Variants in PDE1C observed in about 807,000 individuals in gnomAD.
The protein encoded by PDE1C is dual specificity calcium/calmodulin-dependent 3',5'-cyclic nucleotide phosphodiesterase 1C.
Under a neutral mutation model 93.1 loss-of-function variants are expected in PDE1C, and 62 were observed. That is an observed-to-expected ratio of 0.67 (90% confidence interval 0.54 to 0.82). PDE1C has a LOEUF of 0.82. Among genes scored for constraint, PDE1C ranks in the 40% least tolerant of loss-of-function variants. PDE1C has a pLI of 0.00. For synonymous variants in PDE1C, 325 were observed against 310.1 expected, an observed-to-expected ratio of 1.05 and a Z score of -0.50; for missense variants, 742 against 884.6, an observed-to-expected ratio of 0.84 and a Z score of 2.04.
At chr7:32,420,953 A>G (rs1022214369) in intron 1 of PDE1C, among the ~76,000 whole-genome samples, 1 of 152,156 alleles carries the variant, frequency 6.6e-6, no homozygotes. Context: ...CTGAATATCC[A>G]TGATCTCACC....
chr7:32,080,599 T>G lies in PDE1C; in HGVS notation c.308+89186A>C, dbSNP rs571008725. On this transcript the variant is annotated intron_variant, in intron 3 of 18. Coordinates refer to the PDE1C transcript ENST00000396193. ...TTTCAGCTATCTGGCGGAGAATTACTGTTCCTTGCACCCTCCAGATAAGTG... is the reference window on the plus strand; with the variant it reads ...TTTCAGCTATCTGGCGGAGAATTACGGTTCCTTGCACCCTCCAGATAAGTG... 2.5e-4 allele frequency among the ~76,000 whole-genome samples: 38 copies of G among 152,312 alleles called. No homozygotes were observed. In the South Asian group the frequency reaches 3.9e-3, roughly 16 times the overall value.
At chr7:32,025,941 C>T (rs1287702697) in intron 2 of PDE1C, among the ~76,000 whole-genome samples, 1 of 152,086 alleles carries the variant, frequency 6.6e-6, no homozygotes, top group East Asian at 1.9e-4. Context: ...AAGACCTTCC[C>T]AGGAATCTGC....
chr7:32,086,699 C>G (rs1302592536), intron 3 of PDE1C, among the ~76,000 whole-genome samples: 2 of 152,106 alleles, frequency 1.3e-5, no homozygotes, highest in Non-Finnish European at 2.9e-5. Context: ...GAAATAACAC[C>G]GCATATCTAC....
chr7:32,089,747 G>T (rs1159497848), intron 3 of PDE1C, among the ~76,000 whole-genome samples: 1 of 152,140 alleles, frequency 6.6e-6, no homozygotes, highest in African/African-American at 2.4e-5. Context: ...ACTGAAAAAA[G>T]AAAATGTCCA....
At chr7:32,382,438 T>C (rs1562699563) in intron 1 of PDE1C, among the ~76,000 whole-genome samples, 1 of 152,178 alleles carries the variant, frequency 6.6e-6, no homozygotes, top group Admixed American at 6.5e-5. Context: ...AGCTGAGTCC[T>C]GCCAGAGCTC....
At chr7:31,895,538 T>C (rs865904643) in intron 2 of PDE1C, among the ~76,000 whole-genome samples, 3 of 151,762 alleles carry the variant, frequency 2.0e-5, no homozygotes, top group East Asian at 1.9e-4. Flanking sequence ...AATTGCTAGA[T>C]TGGGTGGTTT....
At chr7:31,975,165 C>T (rs757105899) in intron 2 of PDE1C, among the ~76,000 whole-genome samples, 19 of 152,164 alleles carry the variant, frequency 1.2e-4, no homozygotes, top group Non-Finnish European at 2.4e-4. Flanking sequence ...TTCTCTCTGC[C>T]TTCTGCCTAG....
chr7:32,307,409 C>G (rs576291194), intron 1 of PDE1C, among the ~76,000 whole-genome samples: 68 of 152,300 alleles, frequency 4.5e-4, no homozygotes, highest in African/African-American at 1.6e-3. Context: ...GGAATAAACA[C>G]ACATCCCTTC....
intron 3 of PDE1C, among the ~76,000 whole-genome samples, chr7:32,166,126 A>C (rs180742181): frequency 6.6e-6 from 1 of 152,108 alleles, no homozygotes; most frequent in Non-Finnish European, 1.5e-5. Context: ...CAATGTACAC[A>C]TGCAACAAAA....
chr7:31,938,406 A>T (rs1805376279), intron 2 of PDE1C, among the ~76,000 whole-genome samples: 1 of 147,662 alleles, frequency 6.8e-6, no homozygotes, highest in Non-Finnish European at 1.5e-5. Flanking sequence ...AGAGCAGGCA[A>T]ACCAGATAAG....
chr7:32,424,681 G>C (rs1734756152), intron 1 of PDE1C, among the ~76,000 whole-genome samples: 1 of 152,160 alleles, frequency 6.6e-6, no homozygotes, highest in South Asian at 2.1e-4. Context: ...GTGTGTTGGT[G>C]CATGCCTGTA....
intron 1 of PDE1C, among the ~76,000 whole-genome samples, chr7:32,222,348 G>A (rs955548461): frequency 2.6e-5 from 4 of 152,176 alleles, no homozygotes; most frequent in Admixed American, 6.5e-5. Context: ...ACTAGACTGA[G>A]CTGCCCTCAG....
chr7:31,797,404 C>T (rs928876736), intron 16 of PDE1C, among the ~76,000 whole-genome samples: 1 of 151,712 alleles, frequency 6.6e-6, no homozygotes, highest in Non-Finnish European at 1.5e-5. Flanking sequence ...AGTTTAAAAC[C>T]TAAAGGATGG....
At chr7:31,627,466 T>C in the PDE1C span, among the ~76,000 whole-genome samples, 2 of 151,982 alleles carry the variant, frequency 1.3e-5, no homozygotes, top group Non-Finnish European at 2.9e-5. Flanking sequence ...AAGACCAGCC[T>C]GGGCAACATG....
At chr7:32,311,857 C>T (rs1477908280) in intron 1 of PDE1C, among the ~76,000 whole-genome samples, 15 of 152,190 alleles carry the variant, frequency 9.9e-5, no homozygotes, top group South Asian at 6.2e-4. Flanking sequence ...GACAGGCATG[C>T]CCTCTCTCGC....
intron 1 of PDE1C, among the ~76,000 whole-genome samples, chr7:32,369,011 T>G (rs1353259746): frequency 6.6e-6 from 1 of 152,158 alleles, no homozygotes; most frequent in African/African-American, 2.4e-5. Flanking sequence ...ATCAAAGACC[T>G]AAATGTAATA....
chr7:32,022,569 A>G (rs1047226276), intron 2 of PDE1C, among the ~76,000 whole-genome samples: 5 of 152,094 alleles, frequency 3.3e-5, no homozygotes, highest in African/African-American at 1.2e-4. Flanking sequence ...GGGCCCCTTT[A>G]GTATCTAGGC....
chr7:31,981,677 A>C (rs753144662), intron 2 of PDE1C, among the ~76,000 whole-genome samples: 2 of 152,214 alleles, frequency 1.3e-5, no homozygotes, highest in Non-Finnish European at 2.9e-5. Context: ...TTTTCTAGAC[A>C]GCCATACCTA....
intron 9 of PDE1C, among the ~76,000 whole-genome samples, chr7:31,840,263 T>C (rs977334246): frequency 6.6e-6 from 1 of 152,196 alleles, no homozygotes; most frequent in African/African-American, 2.4e-5. Flanking sequence ...ATTCCATTTG[T>C]ATACATTTTT....
Sources: gnomAD v4.1 joint callset for allele counts (sites outside exome capture counted in the v4.1 genomes callset) on GRCh38, gnomAD v4.1.1 for gene constraint, MANE v1.5 for transcripts, NCBI Gene and HGNC (gene_info 2026-07-23, HGNC 2026-07-21) for gene names.